Variants in CASKIN2 observed in about 807,000 individuals in gnomAD.
CASKIN2 encodes caskin-2.
In CASKIN2, 41 loss-of-function variants were observed where a neutral mutation model predicts 107.1. The ratio of observed to expected loss-of-function variants is 0.38; its 90% CI spans 0.30 to 0.50. CASKIN2 has a LOEUF of 0.50. Ranked by LOEUF, CASKIN2 falls within the 20% of genes least tolerant of loss-of-function variation. The pLI, the probability that CASKIN2 is intolerant of heterozygous loss-of-function variation, is 0.92. For synonymous variants in CASKIN2, 724 were observed against 705.6 expected (o/e 1.03, Z -0.41); for missense variants, 1,546 against 1,657.4 (o/e 0.93, Z 1.17).
Position 75,503,027 on chromosome 17 carries a change from C to G in CASKIN2, c.2047G>C (p.Gly683Arg), listed in dbSNP as rs746370678. Residue 683 changes from glycine (G) to arginine (R), a missense_variant, in exon 18 of 20, where the codon GGT (glycine) becomes CGT (arginine). By Grantham distance (125) the Gly-to-Arg change is moderately radical (BLOSUM62 -2). Around this residue, in one of 6 missense-constraint regions of CASKIN2, gnomAD observed 1,311 missense variants for 1,311.0 expected, o/e 1.00. Coordinates refer to ENST00000321617, the MANE Select transcript of CASKIN2 (RefSeq NM_020753.5). ...SPELQAAMAG[G>R]GPEPLPLPPA... ...GGGAGGGGGAGTGGTTCAGGGCCAC[C>G]CCCTGCCATGGCCGCCTGTAGCTCT... 1.4e-5 allele frequency: 22 copies of G among 1,606,042 alleles called. No individual in the cohort carries two copies. The highest frequency in any genetic ancestry group is 2.7e-5 in the African/African-American group (2 of 74,818).
At chr17:75,503,630 C>T in intron 16 of CASKIN2, 29 bp downstream of exon 16, 1 of 1,608,848 alleles carries the variant, frequency 6.2e-7, no homozygotes, top group Non-Finnish European at 8.5e-7. Flanking sequence ...AGCACGTGCC[C>T]CACTCCCCAG....
chr17:75,514,077 G>C lies in CASKIN2; in HGVS notation c.-273C>G, dbSNP rs912021862. On this transcript the variant is annotated 5_prime_UTR_variant, in exon 2 of 20. Coordinates refer to ENST00000321617, the MANE Select transcript of CASKIN2 (RefSeq NM_020753.5). ...GGATGGATATCAGCTTGTGGCTTCCGACAGCTCCAGGATGGGCTGGGACTG... is the reference window on the plus strand; with the variant it reads ...GGATGGATATCAGCTTGTGGCTTCCCACAGCTCCAGGATGGGCTGGGACTG... 3 of 577,638 alleles carry C rather than the reference G, an allele frequency of 5.2e-6. No individual in the cohort carries two copies. The highest frequency in any genetic ancestry group is 9.2e-6 in the Non-Finnish European group (3 of 324,524). 35.8% of individuals were successfully genotyped at this position (577,638 alleles called of 1,614,324 possible).
rs1195484661 is a variant in CASKIN2, at chr17:75,506,845, G to A, written c.440C>T (p.Ala147Val). Residue 147 changes from alanine to valine, a missense_variant, in exon 6 of 20, where the codon GCC becomes GTC. By Grantham distance (64) the Ala-to-Val change is moderately conservative. This residue lies in a region of CASKIN2 where 136 missense variants were observed against 198.6 expected (regional missense o/e 0.68). Transcript: ENST00000321617. This position sits in a 1 kb window ranked among gnomAD's most constrained non-coding sequence, Gnocchi z 4.8. ...HQSNPCLVNK[A>V]KKTPLDLACE... is the part of the protein sequence containing the mutation. The stretch of plus-strand genomic sequence containing the variant: ...GGCCAGGTCCAGGGGCGTCTTCTTG[G>A]CCTTGTTGACCAGGCATGGGTTGGA... 1 of 1,612,818 alleles carries A rather than the reference G, an allele frequency of 6.2e-7. No individual in the cohort carries two copies. The highest frequency in any genetic ancestry group is 1.1e-5 in the South Asian group (1 of 91,042).
In CASKIN2 at chr17:75,505,602, G is replaced by A. The variant is rs1246740398; in HGVS notation, c.885C>T (p.Leu295=). Residue 295 remains leucine (L), a synonymous_variant, in exon 10 of 20, where the codon CTC becomes CTT. Transcript: ENST00000321617. The surrounding 1 kb of genome is among the most constrained non-coding windows in gnomAD (Gnocchi z 5.1). ...GGACATTGAGAGCAGTGGGATCGTGGAGGTTCCAGAAATCCTTGAGCGCTC... is the reference window on the plus strand; with the variant it reads ...GGACATTGAGAGCAGTGGGATCGTGAAGGTTCCAGAAATCCTTGAGCGCTC... ...KVRALKDFWN[L]HDPTALNVRA... is the part of the protein sequence containing the mutation. The A allele has an allele frequency of 3.1e-6, 5 of 1,613,570 alleles. No homozygotes were observed. In the South Asian group the frequency reaches 3.3e-5, roughly 11 times the overall value.
rs1163606899 is a variant in CASKIN2 at position 75,508,204 on chromosome 17, C to G, written c.146+30G>C. The G allele has an allele frequency of 2.5e-6, 4 of 1,612,982 alleles. No homozygotes were observed. In the African/African-American group the frequency reaches 4.0e-5, roughly 16 times the overall value. On this transcript the variant is annotated intron_variant, in intron 3 of 19. Coordinates refer to ENST00000321617, the MANE Select transcript of CASKIN2 (RefSeq NM_020753.5). The stretch of plus-strand genomic sequence containing the variant: ...GGGCTCTACTGCCCCCACCCAGCAG[C>G]TCTGCAGAGGGACAGGGGCTCCCAC...
rs373074683 is a variant in CASKIN2 at position 75,506,843 on chromosome 17, T to C, written c.442A>G (p.Lys148Glu). The C allele has an allele frequency of 2.5e-6, 4 of 1,612,754 alleles. No individual in the cohort carries two copies. In the East Asian group the frequency reaches 6.7e-5, roughly 27 times the overall value. The change falls in exon 6 of 20, where the codon AAG (lysine) becomes GAG (glutamate). Residue 148 changes from lysine (K) to glutamate (E), a missense_variant. Physicochemically the swap from Lys to Glu is moderately conservative, Grantham distance 56 (BLOSUM62 1). Coordinates refer to ENST00000321617, the MANE Select transcript of CASKIN2 (RefSeq NM_020753.5). The surrounding 1 kb of genome is among the most constrained non-coding windows in gnomAD (Gnocchi z 4.8). ...QSNPCLVNKA[K>E]KTPLDLACEF... ...CAGGCCAGGTCCAGGGGCGTCTTCT[T>C]GGCCTTGTTGACCAGGCATGGGTTG...
In CASKIN2 at chr17:75,514,721, G is replaced by C. The variant is rs139295544; in HGVS notation, c.-404-513C>G. 6.6e-3 allele frequency among the ~76,000 whole-genome samples: 1,002 copies of C among 152,332 alleles called. 5 individuals carry two copies. Among genetic ancestry groups the C allele is most frequent in the Non-Finnish European group, 0.011 (767 of 68,016 alleles). On this transcript the variant is annotated intron_variant, in intron 1 of 19. Transcript: ENST00000321617. ...ATGCCCTAGTCCTAGGACTCTTTGT[G>C]AACGGAGAGCATGAAGTGCTTCTGG...
At chr17:75,513,671 G>A (rs774257342) in intron 2 of CASKIN2, 40 bp downstream of exon 2, 8 of 1,414,552 alleles carry the variant, frequency 5.7e-6, no homozygotes, top group Admixed American at 1.7e-5. Context: ...TGAACTGAGC[G>A]CTCGGCCTCA....
chr17:75,500,934 C>G lies in CASKIN2; in HGVS notation c.*146G>C. On this transcript the variant is annotated 3_prime_UTR_variant, in exon 20 of 20. Coordinates refer to ENST00000321617, the MANE Select transcript of CASKIN2 (RefSeq NM_020753.5). ...CCACAAGAGCTGTGGTGCCCACAGC[C>G]GCGGGCTGAGTGGGAAGGGGCCCTG... 1.4e-6 allele frequency: 1 copy of G among 731,160 alleles called. No individual in the cohort carries two copies. The highest frequency in any genetic ancestry group is 2.3e-6 in the Non-Finnish European group (1 of 438,146). 45.3% of individuals were successfully genotyped at this position (731,160 alleles called of 1,614,324 possible).
chr17:75,513,437 C>A (rs1339400700), intron 2 of CASKIN2, among the ~76,000 whole-genome samples: 1 of 152,134 alleles, frequency 6.6e-6, no homozygotes, highest in Non-Finnish European at 1.5e-5. Context: ...AAGCTATAGG[C>A]ACTCAATAAC....
At position 75,501,131 on chromosome 17, in the gene CASKIN2, G is replaced by C. The variant is rs1247272575; in HGVS notation, c.3558C>G (p.Ile1186Met). 1 of 1,593,804 alleles carries C rather than the reference G, an allele frequency of 6.3e-7. No individual in the cohort carries two copies. The highest frequency in any genetic ancestry group is 8.5e-7 in the Non-Finnish European group (1 of 1,170,166). The change falls in exon 20 of 20, where the codon ATC (isoleucine) becomes ATG (methionine). Residue 1186 changes from isoleucine (I) to methionine (M), a missense_variant. Physicochemically the swap from Ile to Met is conservative, Grantham distance 10. Transcript: ENST00000321617. ...CAGCCAGGGCGTCGAACATGGTGCT[G>C]ATGTCATCCAGAATGTGCTTGGTGG... ...SASTKHILDDISTMFDALADQ... is the reference protein window; with the variant it reads ...SASTKHILDDMSTMFDALADQ...
chr17:75,504,608 A>G lies in CASKIN2; in HGVS notation c.1278T>C (p.Asn426=). The change falls in exon 12 of 20, where the codon AAT becomes AAC. Residue 426 remains asparagine (N), a synonymous_variant. Transcript: ENST00000321617. The stretch of plus-strand genomic sequence containing the variant: ...CAATCAGGAGGCCAGGGCCATGGCC[A>G]TTAGTGCCCTCAGAGCTCTGCCCGC... ...AGSGQSSEGT[N]GHGPGLLIEN... The G allele has an allele frequency of 6.2e-7, 1 of 1,607,830 alleles. No homozygotes were observed. The highest frequency in any genetic ancestry group is 8.5e-7 in the Non-Finnish European group (1 of 1,176,092).
Position 75,505,736 on chromosome 17 carries a change from C to G in CASKIN2, c.835+85G>C, listed in dbSNP as rs2053258015. ...CCTCATGCCCTTGACAACCCTCCCC[C>G]AGGGACGTCCACTCCCCCTCCACAT... On this transcript the variant is annotated intron_variant, in intron 9 of 19. Coordinates refer to ENST00000321617, the MANE Select transcript of CASKIN2 (RefSeq NM_020753.5). This position sits in a 1 kb window ranked among gnomAD's most constrained non-coding sequence, Gnocchi z 5.1. 6.4e-7 allele frequency: 1 copy of G among 1,556,992 alleles called. No individual in the cohort carries two copies. Among genetic ancestry groups the G allele is most frequent in the Non-Finnish European group, 8.8e-7 (1 of 1,135,106 alleles).
In CASKIN2 at chr17:75,501,944, G is replaced by A; in HGVS notation, c.3130C>T (p.Leu1044Phe). The A allele has an allele frequency of 1.2e-6, 2 of 1,601,796 alleles. No individual in the cohort carries two copies. Among genetic ancestry groups the A allele is most frequent in the African/African-American group, 1.3e-5 (1 of 74,846 alleles). Reference protein sequence around the residue: ...SSLPQPEPSSLPAQGVPTPLA... With the variant: ...SSLPQPEPSSFPAQGVPTPLA... ...GGGGTTGGAACTCCTTGGGCTGGAA[G>A]GCTGCTGGGCTCGGGCTGGGGAAGG... The change falls in exon 18 of 20, where the codon CTT becomes TTT. Residue 1044 changes from leucine (L) to phenylalanine (F), a missense_variant. Around this residue, in one of 6 missense-constraint regions of CASKIN2, gnomAD observed 1,311 missense variants for 1,311.0 expected, o/e 1.00. Coordinates refer to ENST00000321617, the MANE Select transcript of CASKIN2 (RefSeq NM_020753.5).
rs1467277768 is a variant in CASKIN2, at chr17:75,502,869, G to A, written c.2205C>T (p.Gly735=). 2 of 1,545,504 alleles carry A rather than the reference G, an allele frequency of 1.3e-6. No individual in the cohort carries two copies. The highest frequency in any genetic ancestry group is 1.9e-5 in the Admixed American group (1 of 51,918). ...AACAAAGCTTAGGGGGCCGCTCTGTGCCCTCTGGGAGGTTCCTCTCCTGGG... is the reference window on the plus strand; with the variant it reads ...AACAAAGCTTAGGGGGCCGCTCTGTACCCTCTGGGAGGTTCCTCTCCTGGG... ...SPPQERNLPE[G]TERPPKLCSS... is the part of the protein sequence containing the mutation. The change falls in exon 18 of 20, where the codon GGC becomes GGT. Residue 735 remains glycine, a synonymous_variant. Coordinates refer to ENST00000321617, the MANE Select transcript of CASKIN2 (RefSeq NM_020753.5). This position sits in a 1 kb window ranked among gnomAD's most constrained non-coding sequence, Gnocchi z 4.3.
At position 75,505,718 on chromosome 17, in the gene CASKIN2, C is replaced by G. The variant is rs183136823; in HGVS notation, c.836-67G>C. 5 of 1,550,086 alleles carry G rather than the reference C, an allele frequency of 3.2e-6. No homozygotes were observed. In the African/African-American group the frequency reaches 4.1e-5, roughly 13 times the overall value. On this transcript the variant is annotated intron_variant, in intron 9 of 19. Coordinates refer to ENST00000321617, the MANE Select transcript of CASKIN2 (RefSeq NM_020753.5). This position sits in a 1 kb window ranked among gnomAD's most constrained non-coding sequence, Gnocchi z 5.1. ...TTAGGGCATCTTCCCACCCCTCATG[C>G]CCTTGACAACCCTCCCCCAGGGACG... is the stretch of plus-strand genomic sequence containing the variant.
intron 12 of CASKIN2, 34 bp downstream of exon 12, chr17:75,504,538 A>G (rs1598465244): frequency 3.8e-6 from 6 of 1,593,038 alleles, no homozygotes; most frequent in East Asian, 4.5e-5. Flanking sequence ...GTGGGGAGTG[A>G]GCCCTGACCT....
Position 75,504,586 on chromosome 17 carries a change from T to G in CASKIN2, c.1300A>C (p.Ile434Leu). The change falls in exon 12 of 20, where the codon ATT becomes CTT. Residue 434 changes from isoleucine to leucine, a missense_variant. Ile to Leu is a conservative substitution (Grantham distance 5). Around this residue, in one of 6 missense-constraint regions of CASKIN2, gnomAD observed 1,311 missense variants for 1,311.0 expected, o/e 1.00. Coordinates refer to ENST00000321617, the MANE Select transcript of CASKIN2 (RefSeq NM_020753.5). ...GTNGHGPGLL[I>L]ENAQPLPSAG... ...CATCATCCTACCTGGGCGTTCTCAA[T>G]CAGGAGGCCAGGGCCATGGCCATTA... 6.2e-7 allele frequency: 1 copy of G among 1,601,204 alleles called. No homozygotes were observed. The highest frequency in any genetic ancestry group is 8.5e-7 in the Non-Finnish European group (1 of 1,171,080).
In CASKIN2 at chr17:75,507,006, G is replaced by A; in HGVS notation, c.368C>T (p.Ala123Val). The A allele has an allele frequency of 6.2e-7, 1 of 1,613,286 alleles. No homozygotes were observed. Among genetic ancestry groups the A allele is most frequent in the African/African-American group, 1.3e-5 (1 of 75,066 alleles). The change falls in exon 5 of 20, where the codon GCA becomes GTA. Residue 123 changes from alanine to valine, a missense_variant. Physicochemically the swap from Ala to Val is moderately conservative, Grantham distance 64 (BLOSUM62 0). This residue lies in a region of CASKIN2 where 136 missense variants were observed against 198.6 expected (regional missense o/e 0.68). Transcript: ENST00000321617. ...LDGQIPLHLA[A>V]QYGHYEVSEM... ...TACCACCTCATAATGTCCATACTGT[G>A]CAGCCAGGTGCAGGGGGATCTGTCC...
Sources: gnomAD v4.1 joint callset for allele counts (sites outside exome capture counted in the v4.1 genomes callset) on GRCh38, gnomAD v4.1.1 for gene constraint, gnomAD v4.1.1 regional missense constraint, Gnocchi (gnomAD v3.1) non-coding constraint, MANE v1.5 for transcripts, NCBI Gene and HGNC (gene_info 2026-07-23, HGNC 2026-07-21) for gene names.